The following TBC1D2B variants were observed in gnomAD, a reference collection of about 807,000 sequenced individuals.
TBC1D2B encodes the protein TBC1 domain family member 2B, also known as TBC1 domain family, member 2B.
Under a neutral mutation model 100.8 loss-of-function variants are expected in TBC1D2B, and 64 were observed. The ratio of observed to expected loss-of-function variants is 0.64; its 90% CI spans 0.52 to 0.78. TBC1D2B has a LOEUF of 0.78. Among genes scored for constraint, TBC1D2B ranks in the 30% least tolerant of loss-of-function variants. TBC1D2B has a pLI of 0.00. For missense variants in TBC1D2B, 1,052 were observed against 1,218.4 expected, an observed-to-expected ratio of 0.86 and a Z score of 2.03; for synonymous variants, 480 against 479.7, an observed-to-expected ratio of 1.00 and a Z score of -0.01.
chr15:78,055,147 T>C (rs376605972), intron 1 of TBC1D2B, among the ~76,000 whole-genome samples: 2 of 152,054 alleles, frequency 1.3e-5, no homozygotes, highest in South Asian at 2.1e-4. Context: ...AAAACAAATA[T>C]GTGGTTGCCA....
chr15:78,021,449 C>A (rs1596312912), intron 6 of TBC1D2B, among the ~76,000 whole-genome samples: 1 of 152,198 alleles, frequency 6.6e-6, no homozygotes, highest in East Asian at 1.9e-4. Context: ...CACGAGAACA[C>A]CCACTTCTGT....
rs374617939 is a variant in TBC1D2B at position 77,998,290 on chromosome 15, C to T, written c.2762G>A (p.Arg921His). The T allele has an allele frequency of 2.0e-5, 32 of 1,605,166 alleles. No homozygotes were observed. Among genetic ancestry groups the T allele is most frequent in the South Asian group, 3.4e-5 (3 of 89,082 alleles). ...CCGGACTTTCTCCAAGTGGTAGGCGCGTCGGTTCCGGATCTGGCGTAGGGG... is the reference window on the plus strand; with the variant it reads ...CCGGACTTTCTCCAAGTGGTAGGCGTGTCGGTTCCGGATCTGGCGTAGGGG... ...PFPLRQIRNR[R>H]AYHLEKVRLE... The change falls in exon 13 of 13, where the codon CGC becomes CAC. Residue 921 changes from arginine (R) to histidine (H), a missense_variant. Physicochemically the swap from Arg to His is conservative, Grantham distance 29. Transcript: ENST00000300584.
chr15:78,024,221 C>T lies in TBC1D2B; in HGVS notation c.1405G>A (p.Val469Met), dbSNP rs766290976. 34 of 1,613,780 alleles carry T rather than the reference C, an allele frequency of 2.1e-5. 1 individual carries two copies. Among genetic ancestry groups the T allele is most frequent in the Admixed American group, 3.3e-5 (2 of 60,008 alleles). ...ACAACCGAAGGGGAGCTGGGCGCCA[C>T]GGTGGGAGGAGGCCCGTTGCCCTCG... Reference protein sequence around the residue: ...EGEGNGPPPTVAPSSPSVVPV... With the variant: ...EGEGNGPPPTMAPSSPSVVPV... The change falls in exon 6 of 13, where the codon GTG (valine) becomes ATG (methionine). Residue 469 changes from valine (V) to methionine (M), a missense_variant. By Grantham distance (21) the Val-to-Met change is conservative. Transcript: ENST00000300584.
At chr15:78,058,680 GC>G (rs1438630868) in intron 1 of TBC1D2B, among the ~76,000 whole-genome samples, 3 of 152,180 alleles carry the variant, frequency 2.0e-5, no homozygotes, top group African/African-American at 7.2e-5. Context: ...CCAAAGACAC[GC>G]CCGCCGGAGG....
At chr15:78,009,708 C>T (rs2072168502) in intron 9 of TBC1D2B, among the ~76,000 whole-genome samples, 1 of 152,254 alleles carries the variant, frequency 6.6e-6, no homozygotes. Context: ...GGCGCAATGG[C>T]TCACGCCTGT....
intron 1 of TBC1D2B, among the ~76,000 whole-genome samples, chr15:78,068,900 C>G (rs764683542): frequency 3.3e-5 from 5 of 152,216 alleles, no homozygotes; most frequent in Non-Finnish European, 7.3e-5. Flanking sequence ...GGTGAACACC[C>G]GATCACATGT....
chr15:78,038,627 A>G (rs536270507), intron 3 of TBC1D2B, among the ~76,000 whole-genome samples: 15 of 152,324 alleles, frequency 9.8e-5, no homozygotes, highest in Non-Finnish European at 1.8e-4. Context: ...GGGTCCCTGC[A>G]ACAGGTGGAC....
rs2071735260 is a variant in TBC1D2B at position 77,995,773 on chromosome 15, G to C, written c.*2387C>G. On this transcript the variant is annotated 3_prime_UTR_variant, in exon 13 of 13. Transcript: ENST00000300584. ...GCCTTTGGGTTTCCCAGCTGGCAGG[G>C]TCCCCCTTGCAGGGGCCACGGGCTG... is the stretch of plus-strand genomic sequence containing the variant. 1 of 152,356 alleles carries C rather than the reference G, an allele frequency of 6.6e-6. No homozygotes were observed. The highest frequency in any genetic ancestry group is 6.5e-5 in the Admixed American group (1 of 15,282). The allele number at this position is 152,356 out of a possible 1,614,324, so 9.4% of individuals were successfully genotyped here. A position where few individuals can be genotyped will look rare whatever the true frequency, so the allele number is the denominator to read the frequency against.
intron 10 of TBC1D2B, among the ~76,000 whole-genome samples, chr15:78,004,352 C>A (rs1315374725): frequency 6.6e-6 from 1 of 152,168 alleles, no homozygotes; most frequent in Admixed American, 6.5e-5. Context: ...ATGGACAGGT[C>A]CCCGCCAAGC....
intron 3 of TBC1D2B, among the ~76,000 whole-genome samples, chr15:78,038,600 T>G (rs996546787): frequency 1.3e-5 from 2 of 152,156 alleles, no homozygotes; most frequent in African/African-American, 4.8e-5. Flanking sequence ...TTGAATTGAT[T>G]CAGGTCCCTT....
chr15:78,024,316 T>C lies in TBC1D2B; in HGVS notation c.1310A>G (p.Asn437Ser), dbSNP rs777724275. ...RTLKSKVGEL[N>S]EQLGMLMETI... ...CTCCATGAGCATTCCCAGCTGCTCG[T>C]TGAGCTCGCCCACTTTGCTCTTCAG... The change falls in exon 6 of 13, where the codon AAC (asparagine) becomes AGC (serine). Residue 437 changes from asparagine (N) to serine (S), a missense_variant. Around this residue, in one of 4 missense-constraint regions of TBC1D2B, gnomAD observed 627 missense variants for 646.1 expected, o/e 0.97. Transcript: ENST00000300584. The C allele has an allele frequency of 2.5e-6, 4 of 1,614,076 alleles. No homozygotes were observed. The highest frequency in any genetic ancestry group is 1.7e-5 in the Admixed American group (1 of 60,038).
In TBC1D2B at chr15:78,013,094, G is replaced by T; in HGVS notation, c.1999C>A (p.His667Asn). ...CACCACTTCCACACCTTGGAACGGT[G>T]CTCGTGGGGAATGCCCGCACGGATG... is the stretch of plus-strand genomic sequence containing the variant. ...NLIRAGIPHE[H>N]RSKVWKWCVD... Residue 667 changes from histidine to asparagine, a missense_variant, in exon 9 of 13, where the codon CAC becomes AAC. Physicochemically the swap from His to Asn is moderately conservative, Grantham distance 68. Transcript: ENST00000300584. 6.2e-7 allele frequency: 1 copy of T among 1,614,026 alleles called. No individual in the cohort carries two copies. The highest frequency in any genetic ancestry group is 1.1e-5 in the South Asian group (1 of 91,084).
intron 1 of TBC1D2B, among the ~76,000 whole-genome samples, chr15:78,061,934 CGGGA>C (rs1474891280): frequency 1.3e-5 from 2 of 152,064 alleles, no homozygotes; most frequent in African/African-American, 2.4e-5. Context: ...GAAATTCACA[CGGGA>C]AGGTTTAGCT....
intron 6 of TBC1D2B, among the ~76,000 whole-genome samples, chr15:78,019,297 A>T (rs1020453640): frequency 1.3e-5 from 2 of 152,046 alleles, no homozygotes; most frequent in African/African-American, 4.8e-5. Context: ...TAAAACTCCA[A>T]CTCTTAGGCA....
At chr15:78,031,004 T>C (rs939633742) in intron 3 of TBC1D2B, among the ~76,000 whole-genome samples, 1 of 152,214 alleles carries the variant, frequency 6.6e-6, no homozygotes, top group South Asian at 2.1e-4. Flanking sequence ...ATTATTCTTG[T>C]GGAATGTACA....
At chr15:78,044,792 G>T in intron 3 of TBC1D2B, 108 bp downstream of exon 3, 2 of 1,019,544 alleles carry the variant, frequency 2.0e-6, no homozygotes, top group Non-Finnish European at 2.8e-6. Context: ...AAACAACAAA[G>T]GCCTTTGTAA....
chr15:78,063,476 T>C (rs967955552), intron 1 of TBC1D2B, among the ~76,000 whole-genome samples: 2 of 152,266 alleles, frequency 1.3e-5, no homozygotes, highest in Admixed American at 6.5e-5. Flanking sequence ...CCTCAATCAA[T>C]AGCAAAGTTC....
Position 78,002,184 on chromosome 15 carries a change from A to T in TBC1D2B, c.2575-444T>A, listed in dbSNP as rs568193562. Among the ~76,000 whole-genome samples, 101 of 152,096 alleles carry T rather than the reference A, an allele frequency of 6.6e-4. No individual in the cohort carries two copies. In the South Asian group the frequency reaches 8.3e-3, roughly 13 times the overall value. On this transcript the variant is annotated intron_variant, in intron 11 of 12. Coordinates refer to ENST00000300584, the MANE Select transcript of TBC1D2B (RefSeq NM_144572.2). ...TGAAGATAGCGAAGGAGTTTTTTTTAAATTTTATTTTTATTTTTGAGATAC... is the reference window on the plus strand; with the variant it reads ...TGAAGATAGCGAAGGAGTTTTTTTTTAATTTTATTTTTATTTTTGAGATAC...
At chr15:78,014,218 T>C (rs1289233125) in intron 8 of TBC1D2B, among the ~76,000 whole-genome samples, 3 of 152,224 alleles carry the variant, frequency 2.0e-5, no homozygotes, top group East Asian at 1.9e-4. Flanking sequence ...ATGAGACCCA[T>C]GTTGGGCTAC....
Sources: allele counts gnomAD v4.1 joint callset (sites outside exome capture counted in the v4.1 genomes callset), GRCh38; gene constraint gnomAD v4.1.1; regional missense constraint gnomAD v4.1.1; transcripts MANE v1.5; gene names NCBI Gene and HGNC (gene_info 2026-07-23, HGNC 2026-07-21).